PCDH11X: variants seen among roughly 807,000 people sequenced by gnomAD.
PCDH11X encodes protocadherin-11 X-linked.
PCDH11X carries 18 observed loss-of-function variants against 53.3 expected under a neutral mutation model. That is an observed-to-expected ratio of 0.34 (90% CI 0.23 to 0.50). The LOEUF (loss-of-function observed/expected upper bound fraction) is 0.50, where lower values mean the gene tolerates loss of function less well. Among genes scored for constraint, PCDH11X ranks in the 20% least tolerant of loss-of-function variants. PCDH11X has a pLI of 0.98. For synonymous variants in PCDH11X, 279 were observed against 393.3 expected, an observed-to-expected ratio of 0.71 and a Z score of 3.44; for missense variants, 570 against 1,032.4, an observed-to-expected ratio of 0.55 and a Z score of 6.14.
chrX:91,789,077 C>A (rs1165301413), intron 1 of PCDH11X, among the ~76,000 whole-genome samples: 2 of 106,677 alleles, frequency 1.9e-5, no homozygotes, highest in African/African-American at 6.8e-5. Context: ...TGCTGCGCGC[C>A]TGTACTCCCA....
At chrX:92,409,320 G>T (rs759637904) in intron 9 of PCDH11X, among the ~76,000 whole-genome samples, 1 of 112,030 alleles carries the variant, frequency 8.9e-6, no homozygotes, top group South Asian at 3.7e-4. Context: ...CTGTCACATA[G>T]ACATAATCAT....
At position 92,621,825 on chromosome X, in the gene PCDH11X, A is replaced by AAATT. The variant is rs1928526745; in HGVS notation, c.*2888_*2891dup. 1 of 111,716 alleles carries AAATT rather than the reference A, an allele frequency of 9.0e-6. No individual in the cohort carries two copies. Among genetic ancestry groups the AAATT allele is most frequent in the African/African-American group, 3.3e-5 (1 of 30,736 alleles). 9.2% of individuals were successfully genotyped at this position (111,716 alleles called of 1,213,427 possible). A position where few individuals can be genotyped will look rare whatever the true frequency, so the allele number is the denominator to read the frequency against. On this transcript the variant is annotated 3_prime_UTR_variant, in exon 11 of 11. Transcript: ENST00000682573. ...TTTAAAAAGGATTTTGTTTGATTTG[A>AAATT]AATTAAAACTTCAAGCTGAATGACT... is the stretch of plus-strand genomic sequence containing the variant.
chrX:91,951,138 C>T (rs917140270), intron 6 of PCDH11X, among the ~76,000 whole-genome samples: 39 of 111,125 alleles, frequency 3.5e-4, no homozygotes, highest in Admixed American at 6.8e-4. Context: ...TCTCTCAGGA[C>T]GCTGTGTTAA....
At chrX:92,079,928 A>G (rs2148097896) in intron 6 of PCDH11X, among the ~76,000 whole-genome samples, 1 of 112,327 alleles carries the variant, frequency 8.9e-6, no homozygotes, top group Non-Finnish European at 1.9e-5. Context: ...TATGGAAACC[A>G]TGAATATGTT....
chrX:92,001,089 T>G (rs2062501347), intron 6 of PCDH11X, among the ~76,000 whole-genome samples: 1 of 107,477 alleles, frequency 9.3e-6, no homozygotes, highest in Non-Finnish European at 1.9e-5. Flanking sequence ...TTTGGGTATA[T>G]ACACAGCAGT....
chrX:92,419,971 C>G (rs1373580675), intron 9 of PCDH11X, among the ~76,000 whole-genome samples: 4 of 111,141 alleles, frequency 3.6e-5, no homozygotes, highest in Non-Finnish European at 7.5e-5. Flanking sequence ...TGAGCCACCA[C>G]GCCCAGCCTC....
intron 9 of PCDH11X, among the ~76,000 whole-genome samples, chrX:92,401,586 C>A (rs1415658690): frequency 8.9e-6 from 1 of 111,757 alleles, no homozygotes. Context: ...CAATATGCCA[C>A]CTTTTATTAA....
chrX:92,391,354 T>A (rs1262178083), intron 9 of PCDH11X, among the ~76,000 whole-genome samples: 1 of 109,401 alleles, frequency 9.1e-6, no homozygotes, highest in African/African-American at 3.3e-5. Flanking sequence ...TGGAGACACA[T>A]GTGGCCCTGG....
Position 92,126,710 on chromosome X carries a change from AGTGT to A in PCDH11X, c.3034-74640_3034-74637del, listed in dbSNP as rs71913292. 9.1e-3 allele frequency among the ~76,000 whole-genome samples: 910 copies of A among 100,552 alleles called. 4 individuals are homozygous for A. Among genetic ancestry groups the A allele is most frequent in the Non-Finnish European group, 0.012 (615 of 49,805 alleles). The allele number at this position is 100,552 out of a possible 115,157, so 87.3% of individuals were successfully genotyped here. ...TTTACCAGATTGAAGATATGTGGGGAGTGTGTGTGTGTGTGTGTGTGTGTGTGTA... is the reference window on the plus strand; with the variant it reads ...TTTACCAGATTGAAGATATGTGGGGAGTGTGTGTGTGTGTGTGTGTGTGTA... On this transcript the variant is annotated intron_variant, in intron 6 of 10. Transcript: ENST00000682573.
At chrX:92,053,128 A>C (rs1437825086) in intron 6 of PCDH11X, among the ~76,000 whole-genome samples, 3 of 111,751 alleles carry the variant, frequency 2.7e-5, no homozygotes, top group Non-Finnish European at 3.8e-5. Flanking sequence ...TTATCATATA[A>C]ATTTAGAAAG....
intron 4 of PCDH11X, among the ~76,000 whole-genome samples, chrX:91,821,412 G>A (rs1208310632): frequency 9.1e-6 from 1 of 110,235 alleles, no homozygotes; most frequent in African/African-American, 3.3e-5. Flanking sequence ...TGGATTCCTA[G>A]GTATTTTATT....
chrX:92,280,000 T>A (rs369967868), intron 8 of PCDH11X, among the ~76,000 whole-genome samples: 117 of 112,173 alleles, frequency 1.0e-3, no homozygotes, highest in African/African-American at 3.7e-3. Flanking sequence ...TTTAGATACA[T>A]TTACATACGC....
chrX:92,385,929 G>T (rs2754881), intron 8 of PCDH11X, among the ~76,000 whole-genome samples: 2 of 111,365 alleles, frequency 1.8e-5, no homozygotes, highest in Admixed American at 9.6e-5. Flanking sequence ...TTTTCTGCTC[G>T]TACTAATTCT....
intron 6 of PCDH11X, among the ~76,000 whole-genome samples, chrX:91,941,971 A>G (rs1431775471): frequency 1.8e-5 from 2 of 110,853 alleles, no homozygotes; most frequent in Non-Finnish European, 3.8e-5. Flanking sequence ...TACCAAAATA[A>G]AACATTTTGA....
At chrX:92,460,894 G>T in intron 9 of PCDH11X, 1 of 1,046,811 alleles carries the variant, frequency 9.6e-7, no homozygotes. Flanking sequence ...ACCACCCGCC[G>T]GAAAGTGGAT....
rs138180710 is a variant in PCDH11X at position 92,099,932 on chromosome X, C to T, written c.3034-101443C>T. 6.4e-3 allele frequency among the ~76,000 whole-genome samples: 711 copies of T among 110,344 alleles called. 9 individuals are homozygous for T. The highest frequency in any genetic ancestry group is 0.022 in the African/African-American group (679 of 30,348). The stretch of plus-strand genomic sequence containing the variant: ...AAAATCAACTCCAAGTTTCAAGCAG[C>T]CAAGGATGAATGATGGCTGCACTCC... On this transcript the variant is annotated intron_variant, in intron 6 of 10. Transcript: ENST00000682573.
At chrX:92,052,051 T>G (rs2063375125) in intron 6 of PCDH11X, among the ~76,000 whole-genome samples, 1 of 110,159 alleles carries the variant, frequency 9.1e-6, no homozygotes. Context: ...AAACTCTGTT[T>G]TCATTATTCT....
At chrX:92,428,352 T>C (rs2072173553) in intron 9 of PCDH11X, among the ~76,000 whole-genome samples, 1 of 111,425 alleles carries the variant, frequency 9.0e-6, no homozygotes, top group East Asian at 2.9e-4. Flanking sequence ...TGAGAGTAAA[T>C]TTTTCCCTTC....
chrX:92,372,280 G>A (rs1213111327), intron 8 of PCDH11X, among the ~76,000 whole-genome samples: 1 of 110,992 alleles, frequency 9.0e-6, no homozygotes, highest in Admixed American at 9.6e-5. Flanking sequence ...GATAGGTACA[G>A]GATTATAATC....
Sources: allele counts gnomAD v4.1 joint callset (sites outside exome capture counted in the v4.1 genomes callset), GRCh38; gene constraint gnomAD v4.1.1; transcripts MANE v1.5; gene names NCBI Gene and HGNC (gene_info 2026-07-23, HGNC 2026-07-21).